Variants in ACAD10 observed in about 807,000 individuals in gnomAD.
The protein encoded by ACAD10 is acyl-CoA dehydrogenase family member 10, also known as ACAD-10.
A neutral mutation model predicts 116.8 loss-of-function variants in ACAD10; 112 were observed. That is an observed-to-expected ratio of 0.96 (90% CI 0.82 to 1.12). The LOEUF (loss-of-function observed/expected upper bound fraction) is 1.12, where lower values mean the gene tolerates loss of function less well. ACAD10 is among the 50% of genes most tolerant of loss of function. The pLI is 0.00. For missense variants in ACAD10, 1,259 were observed against 1,350.2 expected (o/e 0.93, Z 1.06); for synonymous variants, 486 against 510.6 (o/e 0.95, Z 0.65).
intron 11 of ACAD10, 86 bp downstream of exon 11, chr12:111,734,154 T>C (rs775966647): frequency 6.1e-5 from 96 of 1,584,092 alleles, no homozygotes; most frequent in Non-Finnish European, 7.6e-5. Context: ...AGTCCGTGAT[T>C]GGGCGGGGGA....
rs982580813 is a variant in ACAD10 at position 111,715,602 on chromosome 12, G to C, written c.851-219G>C. 2.6e-5 allele frequency: 14 copies of C among 539,638 alleles called. No individual in the cohort carries two copies. The Admixed American group carries it at 4.3e-4, about 17-fold the overall frequency. The allele number at this position is 539,638 out of a possible 1,614,324, so 33.4% of individuals were successfully genotyped here. On this transcript the variant is annotated intron_variant, in intron 6 of 20. Coordinates refer to ENST00000313698, the MANE Select transcript of ACAD10 (RefSeq NM_025247.6). ...CTGTGGTATAAAATGAATGGCCTTT[G>C]ACAAACTGTAGTGGCATGTGATCCT... is the stretch of plus-strand genomic sequence containing the variant.
chr12:111,727,211 G>C (rs1417999782), intron 8 of ACAD10, among the ~76,000 whole-genome samples: 2 of 152,006 alleles, frequency 1.3e-5, no homozygotes, highest in African/African-American at 4.8e-5. Context: ...GGGCGACAGA[G>C]CAAGACTCCA....
rs778645718 is a variant in ACAD10, at chr12:111,749,287, A to C, written c.2759A>C (p.His920Pro). Residue 920 changes from histidine to proline, a missense_variant, in exon 18 of 21, where the codon CAT (histidine) becomes CCT (proline). Physicochemically the swap from His to Pro is moderately conservative, Grantham distance 77 (BLOSUM62 -2). Coordinates refer to ENST00000313698, the MANE Select transcript of ACAD10 (RefSeq NM_025247.6). ...AQGRLGPGRI[H>P]HCMRLIGFSE... is the part of the protein sequence containing the mutation. ...GGCAGACTGGGCCCCGGCAGGATCC[A>C]TCACTGCATGAGGCTGATCGGGTTC... 1 of 1,614,048 alleles carries C rather than the reference A, an allele frequency of 6.2e-7. No individual in the cohort carries two copies. Among genetic ancestry groups the C allele is most frequent in the Non-Finnish European group, 8.5e-7 (1 of 1,179,998 alleles).
At chr12:111,727,481 G>A (rs1403583813) in intron 8 of ACAD10, among the ~76,000 whole-genome samples, 1 of 152,086 alleles carries the variant, frequency 6.6e-6, no homozygotes, top group Non-Finnish European at 1.5e-5. Context: ...CCGAGATCGC[G>A]CCACTGCACT....
chr12:111,727,853 C>T lies in ACAD10; in HGVS notation c.1062-109C>T. 2.6e-6 allele frequency: 3 copies of T among 1,145,676 alleles called. No individual in the cohort carries two copies. The South Asian group carries it at 4.6e-5, about 18-fold the overall frequency. The allele number at this position is 1,145,676 out of a possible 1,614,324, so 71.0% of individuals were successfully genotyped here. On this transcript the variant is annotated intron_variant, in intron 8 of 20. Transcript: ENST00000313698. ...CAGTGCTCTGGGTCTGAACTCTTCACCAGCTCTCAACCTGTATACCCAGGG... is the reference window on the plus strand; with the variant it reads ...CAGTGCTCTGGGTCTGAACTCTTCATCAGCTCTCAACCTGTATACCCAGGG...
At chr12:111,739,522 C>T (rs1489222425) in intron 12 of ACAD10, among the ~76,000 whole-genome samples, 4 of 152,128 alleles carry the variant, frequency 2.6e-5, no homozygotes, top group South Asian at 2.1e-4. Flanking sequence ...TGTGGGAAAC[C>T]GAGGTGGGTG....
At chr12:111,739,952 A>G (rs1409068425) in intron 12 of ACAD10, among the ~76,000 whole-genome samples, 1 of 152,152 alleles carries the variant, frequency 6.6e-6, no homozygotes, top group Non-Finnish European at 1.5e-5. Flanking sequence ...TAAGGGTAAT[A>G]ATAGTATTGT....
At chr12:111,746,952 A>G (rs748035758) in intron 14 of ACAD10, 97 bp from the exon 15 acceptor site, 11 of 1,482,762 alleles carry the variant, frequency 7.4e-6, no homozygotes, top group Non-Finnish European at 9.0e-6. Context: ...GTGAGCCATG[A>G]TCGTGCCACG....
rs74669905 is a variant in ACAD10 at position 111,733,877 on chromosome 12, C to T, written c.1395-46C>T. ...CAGACCACGCAGAATCCACCCTAGC[C>T]GGCAGTTTTCTTAGTGCTGTCTCTA... On this transcript the variant is annotated intron_variant, in intron 10 of 20. Coordinates refer to ENST00000313698, the MANE Select transcript of ACAD10 (RefSeq NM_025247.6). 4,918 of 1,611,944 alleles carry T rather than the reference C, an allele frequency of 3.1e-3. 123 individuals carry two copies. The African/African-American group carries it at 0.054, about 18-fold the overall frequency.
At chr12:111,705,121 A>G (rs972048243) in intron 3 of ACAD10, among the ~76,000 whole-genome samples, 1 of 152,188 alleles carries the variant, frequency 6.6e-6, no homozygotes, top group Non-Finnish European at 1.5e-5. Flanking sequence ...TAAAAATTAA[A>G]TTACATATAC....
Position 111,702,303 on chromosome 12 carries a change from C to G in ACAD10, c.329C>G (p.Ser110Cys), listed in dbSNP as rs1185432836. ...GFLREFGRLC[S>C]EMLKTSVPVD... ...TTACGAGAATTTGGGAGACTTTGCT[C>G]TGAAATGGTGAGTGGTAAACATACC... Residue 110 changes from serine (S) to cysteine (C), a missense_variant, in exon 3 of 21, where the codon TCT (serine) becomes TGT (cysteine). By Grantham distance (112) the Ser-to-Cys change is moderately radical. Coordinates refer to ENST00000313698, the MANE Select transcript of ACAD10 (RefSeq NM_025247.6). 6.2e-7 allele frequency: 1 copy of G among 1,613,966 alleles called. No individual in the cohort carries two copies. Among genetic ancestry groups the G allele is most frequent in the Non-Finnish European group, 8.5e-7 (1 of 1,180,016 alleles).
rs1888717800 is a variant in ACAD10 at position 111,712,584 on chromosome 12, GA to G, written c.782del (p.Lys261ArgfsTer49). On this transcript the variant is annotated frameshift_variant, in exon 6 of 21. Transcript: ENST00000313698. LOFTEE classifies it high-confidence loss of function. ...RVGVPNTRPVKKTMEIPKDSL... is the reference protein window; with the variant it reads ...RVGVPNTRPVXKTMEIPKDSL... ...TAGGTGTTCCAAACACTCGGCCTGTGAAAAAGACGATGGAAATTCCGAAAGA... is the reference window on the plus strand; with the variant it reads ...TAGGTGTTCCAAACACTCGGCCTGTGAAAAGACGATGGAAATTCCGAAAGA... 1 of 1,614,150 alleles carries G rather than the reference GA, an allele frequency of 6.2e-7. No individual in the cohort carries two copies. The highest frequency in any genetic ancestry group is 8.5e-7 in the Non-Finnish European group (1 of 1,180,024).
At position 111,746,183 on chromosome 12, in the gene ACAD10, C is replaced by T; in HGVS notation, c.2155C>T (p.Pro719Ser). The change falls in exon 14 of 21, where the codon CCC becomes TCC. Residue 719 changes from proline to serine, a missense_variant. Coordinates refer to ENST00000313698, the MANE Select transcript of ACAD10 (RefSeq NM_025247.6). Reference sequence around the variant, plus strand: ...TGAAGGACTTTGGAACCTTTTCCTACCCTTAGAGGCTGATCCCGAGAAAAA... The same window carrying T: ...TGAAGGACTTTGGAACCTTTTCCTATCCTTAGAGGCTGATCCCGAGAAAAA... ...KAEGLWNLFL[P>S]LEADPEKKYG... 6.2e-7 allele frequency: 1 copy of T among 1,613,970 alleles called. No individual in the cohort carries two copies. Among genetic ancestry groups the T allele is most frequent in the Non-Finnish European group, 8.5e-7 (1 of 1,179,992 alleles).
intron 2 of ACAD10, 35 bp downstream of exon 2, chr12:111,692,931 A>C: frequency 1.9e-6 from 3 of 1,604,362 alleles, no homozygotes; most frequent in Non-Finnish European, 1.7e-6. Flanking sequence ...TTGTGGGACT[A>C]GAGTGGTGGT....
At chr12:111,694,402 G>A (rs78391424) in intron 2 of ACAD10, among the ~76,000 whole-genome samples, 2,363 of 152,022 alleles carry the variant, frequency 0.016, 72 homozygotes, top group African/African-American at 0.054. Flanking sequence ...CTTCTACAAA[G>A]AACATAAAGA....
chr12:111,733,072 T>A (rs1889441163), intron 10 of ACAD10, among the ~76,000 whole-genome samples: 1 of 151,952 alleles, frequency 6.6e-6, no homozygotes, highest in South Asian at 2.1e-4. Context: ...CTCTCCAGCA[T>A]GGCAACTTCT....
chr12:111,710,819 C>T (rs1018486638), intron 5 of ACAD10, among the ~76,000 whole-genome samples: 5 of 152,034 alleles, frequency 3.3e-5, no homozygotes, highest in African/African-American at 1.2e-4. Flanking sequence ...GCTAGGTTGC[C>T]GAGGGCTTTG....
chr12:111,735,398 G>A (rs1251183137), intron 11 of ACAD10, among the ~76,000 whole-genome samples: 1 of 151,942 alleles, frequency 6.6e-6, no homozygotes, highest in Admixed American at 6.6e-5. Flanking sequence ...TAATACCTAG[G>A]AATGGAATAT....
intron 2 of ACAD10, among the ~76,000 whole-genome samples, chr12:111,693,926 C>G (rs1485346050): frequency 6.6e-6 from 1 of 152,176 alleles, no homozygotes; most frequent in African/African-American, 2.4e-5. Context: ...GACTCCGACT[C>G]TTTATAGCAT....
Sources: allele counts gnomAD v4.1 joint callset (sites outside exome capture counted in the v4.1 genomes callset), GRCh38; gene constraint gnomAD v4.1.1; transcripts MANE v1.5; gene names NCBI Gene and HGNC (gene_info 2026-07-23, HGNC 2026-07-21).